Variants in PPP3CA observed in about 807,000 individuals in gnomAD.
PPP3CA encodes CAM-PRP catalytic subunit.
Under a neutral mutation model 66.5 loss-of-function variants are expected in PPP3CA, and 14 were observed. That is an observed-to-expected ratio of 0.21 (90% CI 0.14 to 0.33). PPP3CA has a LOEUF of 0.33. PPP3CA is among the 10% of genes least tolerant of loss of function. The pLI, the probability that PPP3CA is intolerant of heterozygous loss-of-function variation, is 1.00. For missense variants in PPP3CA, 317 were observed against 639.5 expected (o/e 0.50, Z 5.44); for synonymous variants, 232 against 226.2 (o/e 1.03, Z -0.23).
In PPP3CA at chr4:101,061,139, G is replaced by A; in HGVS notation, c.1104C>T (p.Val368=). Residue 368 remains valine, a synonymous_variant, in exon 10 of 14, where the codon GTC becomes GTT. Transcript: ENST00000394854. The part of the protein sequence containing the change: ...GEKVTEMLVN[V]LNICSDDELG... ...GTTCATCATCTGAGCAGATGTTGAGGACATTTACCAGCATCTCAGTCACTA... is the reference window on the plus strand; with the variant it reads ...GTTCATCATCTGAGCAGATGTTGAGAACATTTACCAGCATCTCAGTCACTA... The A allele has an allele frequency of 6.2e-7, 1 of 1,612,164 alleles. No homozygotes were observed. The highest frequency in any genetic ancestry group is 1.1e-5 in the South Asian group (1 of 91,038).
chr4:101,065,374 T>C (rs1006994019), intron 8 of PPP3CA, among the ~76,000 whole-genome samples: 3 of 152,112 alleles, frequency 2.0e-5, no homozygotes, highest in South Asian at 4.1e-4. Flanking sequence ...AATTGTCTTT[T>C]TGAAGAGTAA....
intron 12 of PPP3CA, among the ~76,000 whole-genome samples, chr4:101,031,117 A>G (rs985412041): frequency 9.2e-5 from 14 of 152,146 alleles, no homozygotes; most frequent in Admixed American, 3.9e-4. Flanking sequence ...ATCTGAAAAT[A>G]AAGACAATTA....
At chr4:101,066,877 T>C (rs979923859) in intron 8 of PPP3CA, among the ~76,000 whole-genome samples, 1 of 152,140 alleles carries the variant, frequency 6.6e-6, no homozygotes, top group African/African-American at 2.4e-5. Flanking sequence ...TCCAGTACAA[T>C]ATAAATAATA....
chr4:101,168,477 A>T (rs1723765044), intron 2 of PPP3CA, among the ~76,000 whole-genome samples: 1 of 152,174 alleles, frequency 6.6e-6, no homozygotes, highest in Non-Finnish European at 1.5e-5. Context: ...GAACAAGACA[A>T]TAGGGAAAAT....
At chr4:101,269,935 A>G (rs1727285321) in intron 1 of PPP3CA, among the ~76,000 whole-genome samples, 1 of 152,146 alleles carries the variant, frequency 6.6e-6, no homozygotes, top group Non-Finnish European at 1.5e-5. Context: ...TGGTTAACCC[A>G]TGGTAACCTC....
chr4:101,026,291 GTTA>G (rs1452713133), intron 13 of PPP3CA, among the ~76,000 whole-genome samples: 48 of 152,290 alleles, frequency 3.2e-4, no homozygotes, highest in Non-Finnish European at 2.9e-5. Context: ...TCCTCTTGAA[GTTA>G]TTAAGATGTA....
chr4:101,289,549 T>C (rs1466673172), intron 1 of PPP3CA, among the ~76,000 whole-genome samples: 1 of 152,200 alleles, frequency 6.6e-6, no homozygotes, highest in African/African-American at 2.4e-5. Context: ...AATGAGCAAC[T>C]TCATGTAATA....
At chr4:101,089,216 G>C (rs1190198383) in intron 6 of PPP3CA, among the ~76,000 whole-genome samples, 1 of 151,754 alleles carries the variant, frequency 6.6e-6, no homozygotes, top group Non-Finnish European at 1.5e-5. Context: ...GTTCCTAGAG[G>C]AAAGTGTGAA....
intron 1 of PPP3CA, among the ~76,000 whole-genome samples, chr4:101,289,090 A>G (rs1434871620): frequency 6.6e-6 from 1 of 152,176 alleles, no homozygotes; most frequent in African/African-American, 2.4e-5. Context: ...TCTTTTATAA[A>G]CCCATTATAA....
At chr4:101,069,305 C>G (rs780066261) in intron 8 of PPP3CA, among the ~76,000 whole-genome samples, 10 of 152,102 alleles carry the variant, frequency 6.6e-5, no homozygotes, top group Non-Finnish European at 1.2e-4. Flanking sequence ...TTGTGTGTAT[C>G]AAGGACACAG....
intron 2 of PPP3CA, among the ~76,000 whole-genome samples, chr4:101,140,346 T>C (rs981688980): frequency 1.3e-5 from 2 of 152,170 alleles, no homozygotes; most frequent in Non-Finnish European, 2.9e-5. Context: ...TATTATCATT[T>C]TCAAGATACT....
At chr4:101,124,575 C>T (rs1722134908) in intron 2 of PPP3CA, among the ~76,000 whole-genome samples, 1 of 150,824 alleles carries the variant, frequency 6.6e-6, no homozygotes, top group African/African-American at 2.4e-5. Flanking sequence ...TGCCATTGCA[C>T]TCCAGCTGGG....
chr4:101,120,204 C>A (rs908649529), intron 2 of PPP3CA, among the ~76,000 whole-genome samples: 3 of 151,990 alleles, frequency 2.0e-5, no homozygotes, highest in Non-Finnish European at 4.4e-5. Flanking sequence ...AATATCCAAA[C>A]AATGAATAAA....
intron 9 of PPP3CA, among the ~76,000 whole-genome samples, chr4:101,062,860 T>C (rs1728529526): frequency 6.6e-6 from 1 of 152,002 alleles, no homozygotes; most frequent in South Asian, 2.1e-4. Context: ...ATTTGGCAGA[T>C]AATTTGTAAA....
At chr4:101,270,532 T>C (rs915500331) in intron 1 of PPP3CA, among the ~76,000 whole-genome samples, 1 of 152,180 alleles carries the variant, frequency 6.6e-6, no homozygotes, top group African/African-American at 2.4e-5. Flanking sequence ...TACCAGTTAT[T>C]TGAGATGCAC....
chr4:101,339,634 A>T (rs192886050), intron 1 of PPP3CA, among the ~76,000 whole-genome samples: 1 of 152,286 alleles, frequency 6.6e-6, no homozygotes, highest in African/African-American at 2.4e-5. Flanking sequence ...ATACACTCAA[A>T]ATAAAAACAA....
chr4:101,050,952 C>T (rs1317419286), intron 10 of PPP3CA, among the ~76,000 whole-genome samples: 2 of 152,068 alleles, frequency 1.3e-5, no homozygotes, highest in Non-Finnish European at 2.9e-5. Flanking sequence ...TCAAGCTGCC[C>T]TGAGATGTGG....
chr4:101,143,957 C>T (rs1722886682), intron 2 of PPP3CA, among the ~76,000 whole-genome samples: 1 of 152,194 alleles, frequency 6.6e-6, no homozygotes, highest in Non-Finnish European at 1.5e-5. Flanking sequence ...CACCATCTAT[C>T]AAGTCACATA....
intron 6 of PPP3CA, among the ~76,000 whole-genome samples, chr4:101,091,161 T>C (rs964590707): frequency 6.6e-6 from 1 of 151,832 alleles, no homozygotes; most frequent in African/African-American, 2.4e-5. Context: ...GTTTGAATTT[T>C]GTTTGATATT....
Sources: gnomAD v4.1 joint callset for allele counts (sites outside exome capture counted in the v4.1 genomes callset) on GRCh38, gnomAD v4.1.1 for gene constraint, MANE v1.5 for transcripts, NCBI Gene and HGNC (gene_info 2026-07-23, HGNC 2026-07-21) for gene names.